PIK3R3: variants seen among roughly 807,000 people sequenced by gnomAD.
PIK3R3 encodes phosphatidylinositol 3-kinase regulatory subunit gamma.
PIK3R3 carries 64 observed loss-of-function variants against 62.9 expected under a neutral mutation model. The ratio of observed to expected loss-of-function variants is 1.02; its 90% CI spans 0.83 to 1.25. PIK3R3 has a LOEUF of 1.25. Ranked by LOEUF, PIK3R3 falls within the 50% of genes most tolerant of loss-of-function variation. PIK3R3 has a pLI of 0.00. For synonymous variants in PIK3R3, 165 were observed against 189.0 expected (o/e 0.87, Z 1.04); for missense variants, 614 against 561.6 (o/e 1.09, Z -0.94).
the PIK3R3 span, among the ~76,000 whole-genome samples, chr1:46,173,482 C>T: frequency 6.6e-6 from 1 of 152,138 alleles, no homozygotes; most frequent in South Asian, 2.1e-4. Context: ...GCAGAGGCAC[C>T]TTAAGGGGTG....
intron 7 of PIK3R3, among the ~76,000 whole-genome samples, chr1:46,052,933 A>G (rs1272121594): frequency 2.6e-5 from 4 of 152,200 alleles, no homozygotes; most frequent in Non-Finnish European, 5.9e-5. Flanking sequence ...ATTCCTTTAA[A>G]ACAAGACCAG....
the PIK3R3 span, among the ~76,000 whole-genome samples, chr1:46,145,609 T>A: frequency 6.6e-6 from 1 of 152,130 alleles, no homozygotes; most frequent in East Asian, 1.9e-4. Flanking sequence ...CTCACCCCTA[T>A]AGGAAGGCAT....
At chr1:46,070,257 T>A (rs1336146354) in intron 3 of PIK3R3, among the ~76,000 whole-genome samples, 2 of 152,320 alleles carry the variant, frequency 1.3e-5, no homozygotes, top group East Asian at 3.9e-4. Context: ...ATTAGAGGGA[T>A]GGGATGGGAT....
intron 1 of PIK3R3, among the ~76,000 whole-genome samples, chr1:46,094,300 T>C (rs944062799): frequency 2.0e-5 from 3 of 152,264 alleles, no homozygotes; most frequent in African/African-American, 7.2e-5. Flanking sequence ...CTATTTTATT[T>C]TAGAGGAACA....
intron 3 of PIK3R3, among the ~76,000 whole-genome samples, chr1:46,072,470 C>A (rs1649628002): frequency 6.6e-6 from 1 of 152,188 alleles, no homozygotes. Context: ...TATGTCAGAC[C>A]TTGTGATAGA....
rs370906616 is a variant in PIK3R3 at position 46,099,946 on chromosome 1, C to T, written c.107-19196G>A. Among the ~76,000 whole-genome samples, 5 of 152,182 alleles carry T rather than the reference C, an allele frequency of 3.3e-5. No individual in the cohort carries two copies. The South Asian group carries it at 8.3e-4, about 25-fold the overall frequency. On this transcript the variant is annotated intron_variant, in intron 1 of 9. Coordinates refer to ENST00000262741, the MANE Select transcript of PIK3R3 (RefSeq NM_003629.4). Reference sequence around the variant, plus strand: ...CCATGGCTACTAAAGAAGTTGAACACCTTTTCATGTCTGCAGGACATTTGT... The same window carrying T: ...CCATGGCTACTAAAGAAGTTGAACATCTTTTCATGTCTGCAGGACATTTGT...
At chr1:46,076,495 GA>G (rs1650076027) in intron 3 of PIK3R3, among the ~76,000 whole-genome samples, 1 of 152,138 alleles carries the variant, frequency 6.6e-6, no homozygotes, top group Admixed American at 6.5e-5. Flanking sequence ...TGGAGTAGAG[GA>G]AAAATTGTGT....
chr1:46,166,007 C>T, the PIK3R3 span, among the ~76,000 whole-genome samples: 1 of 151,180 alleles, frequency 6.6e-6, no homozygotes, highest in African/African-American at 2.4e-5. Flanking sequence ...ATCTCCTGAC[C>T]TCGTGATTCG....
At position 46,046,759 on chromosome 1, in the gene PIK3R3, T is replaced by G. The variant is rs1647127885; in HGVS notation, c.942-134A>C. 8.2e-6 allele frequency: 5 copies of G among 607,528 alleles called. No individual in the cohort carries two copies. In the South Asian group the frequency reaches 1.1e-4, roughly 13 times the overall value. The allele number at this position is 607,528 out of a possible 1,614,324, so 37.6% of individuals were successfully genotyped here. A position where few individuals can be genotyped will look rare whatever the true frequency, so the allele number is the denominator to read the frequency against. On this transcript the variant is annotated intron_variant, in intron 7 of 9. Transcript: ENST00000262741. ...CTAATCCCACAGAATGGGCAAAGAT[T>G]TCCCAAAATTAGTCTCTCGATTACT... is the stretch of plus-strand genomic sequence containing the variant.
the PIK3R3 span, among the ~76,000 whole-genome samples, chr1:46,173,656 T>C: frequency 6.6e-6 from 1 of 152,102 alleles, no homozygotes; most frequent in Non-Finnish European, 1.5e-5. Context: ...TGCTGCTGCC[T>C]CTGGGAGCCT....
At chr1:46,096,142 C>T (rs1652103630) in intron 1 of PIK3R3, among the ~76,000 whole-genome samples, 1 of 152,132 alleles carries the variant, frequency 6.6e-6, no homozygotes, top group Admixed American at 6.5e-5. Context: ...TGAGTGGGCA[C>T]GCATATACAC....
At chr1:46,108,914 C>A (rs1205522631) in intron 1 of PIK3R3, among the ~76,000 whole-genome samples, 2 of 152,218 alleles carry the variant, frequency 1.3e-5, no homozygotes, top group Admixed American at 6.5e-5. Flanking sequence ...AATCCCAGCA[C>A]TTTGGGAGGC....
rs368006440 is a variant in PIK3R3 at position 46,066,985 on chromosome 1, G to C, written c.421C>G (p.His141Asp). Reference sequence around the variant, plus strand: ...TTGTACTGAGCAAGAGATTCATGGTGATAGTGGTTAATGAGCTCCACCACG... The same window carrying C: ...TTGTACTGAGCAAGAGATTCATGGTCATAGTGGTTAATGAGCTCCACCACG... Reference protein sequence around the residue: ...NSVVELINHYHHESLAQYNPK... With the variant: ...NSVVELINHYDHESLAQYNPK... Residue 141 changes from histidine (H) to aspartate (D), a missense_variant, in exon 4 of 10, where the codon CAC (histidine) becomes GAC (aspartate). Coordinates refer to ENST00000262741, the MANE Select transcript of PIK3R3 (RefSeq NM_003629.4). 1 of 1,610,952 alleles carries C rather than the reference G, an allele frequency of 6.2e-7. No individual in the cohort carries two copies. Among genetic ancestry groups the C allele is most frequent in the Non-Finnish European group, 8.5e-7 (1 of 1,178,554 alleles).
chr1:46,171,849 G>A, the PIK3R3 span, among the ~76,000 whole-genome samples: 1 of 152,116 alleles, frequency 6.6e-6, no homozygotes, highest in African/African-American at 2.4e-5. Context: ...CTCTAGCCCA[G>A]AGCTGTTCTC....
chr1:46,157,564 G>A, the PIK3R3 span, among the ~76,000 whole-genome samples: 1 of 152,090 alleles, frequency 6.6e-6, no homozygotes, highest in Non-Finnish European at 1.5e-5. Context: ...ACAGCCTTTT[G>A]GAATGATTAT....
intron 1 of PIK3R3, among the ~76,000 whole-genome samples, chr1:46,122,019 G>A (rs1246410492): frequency 6.6e-6 from 1 of 151,900 alleles, no homozygotes; most frequent in African/African-American, 2.4e-5. Flanking sequence ...GAAGGCTACA[G>A]TAACTTGTGA....
chr1:46,041,705 T>C lies in PIK3R3; in HGVS notation c.*1968A>G, dbSNP rs182791579. The C allele has an allele frequency of 1.0e-5, 2 of 195,574 alleles. No individual in the cohort carries two copies. The highest frequency in any genetic ancestry group is 2.1e-5 in the Non-Finnish European group (2 of 93,760). 12.1% of individuals were successfully genotyped at this position (195,574 alleles called of 1,614,324 possible). Reference sequence around the variant, plus strand: ...AGCTTGGTATTATTCAGTAAAACTTTCAGTTAAGATTTCAATTGACAGTTT... The same window carrying C: ...AGCTTGGTATTATTCAGTAAAACTTCCAGTTAAGATTTCAATTGACAGTTT... On this transcript the variant is annotated 3_prime_UTR_variant, in exon 10 of 10. Coordinates refer to ENST00000262741, the MANE Select transcript of PIK3R3 (RefSeq NM_003629.4).
chr1:46,159,446 A>G, the PIK3R3 span, among the ~76,000 whole-genome samples: 4 of 152,194 alleles, frequency 2.6e-5, no homozygotes, highest in Non-Finnish European at 5.9e-5. Flanking sequence ...GCCTTAATAT[A>G]AGACAAAATT....
At chr1:46,075,548 G>C (rs187992157) in intron 3 of PIK3R3, among the ~76,000 whole-genome samples, 1 of 152,234 alleles carries the variant, frequency 6.6e-6, no homozygotes, top group East Asian at 1.9e-4. Context: ...CTTAGGCCTG[G>C]GAGGTTAAGG....
Sources: gnomAD v4.1 joint callset for allele counts (sites outside exome capture counted in the v4.1 genomes callset) on GRCh38, gnomAD v4.1.1 for gene constraint, MANE v1.5 for transcripts, NCBI Gene and HGNC (gene_info 2026-07-23, HGNC 2026-07-21) for gene names.